SRFBP1: variants seen among roughly 807,000 people sequenced by gnomAD.
SRFBP1 encodes the protein serum response factor binding protein 1.
In SRFBP1, 47 loss-of-function variants were observed where a neutral mutation model predicts 45.5. The observed-to-expected ratio is 1.03, with a 90% CI of 0.82 to 1.32. SRFBP1 has a LOEUF of 1.32. Ranked by LOEUF, SRFBP1 falls within the 40% of genes most tolerant of loss-of-function variation. The pLI, the probability that SRFBP1 is intolerant of heterozygous loss-of-function variation, is 0.00. For synonymous variants in SRFBP1, 203 were observed against 166.3 expected, an observed-to-expected ratio of 1.22 and a Z score of -1.70; for missense variants, 621 against 484.6, an observed-to-expected ratio of 1.28 and a Z score of -2.64.
intron 4 of SRFBP1, among the ~76,000 whole-genome samples, chr5:122,008,080 A>G (rs6595340): frequency 0.028 from 4,225 of 152,092 alleles, 205 homozygotes; most frequent in African/African-American, 0.096. Flanking sequence ...TGAATGTACT[A>G]TCCTGGAGCC....
intron 7 of SRFBP1, among the ~76,000 whole-genome samples, chr5:122,023,989 A>G (rs1383260450): frequency 6.6e-6 from 1 of 152,172 alleles, no homozygotes; most frequent in Non-Finnish European, 1.5e-5. Flanking sequence ...TGGGAGTGCC[A>G]TACATTTAGT....
At chr5:122,031,496 A>G (rs985856990), downstream of SRFBP1, among the ~76,000 whole-genome samples, 3 of 152,200 alleles carry the variant, frequency 2.0e-5, no homozygotes, top group Admixed American at 6.5e-5. Flanking sequence ...AAAGTAAACA[A>G]CGTCTCACCA....
At chr5:122,068,981 G>A (rs1410539133) in intron 2 of SRFBP1, among the ~76,000 whole-genome samples, 2 of 151,974 alleles carry the variant, frequency 1.3e-5, no homozygotes, top group South Asian at 2.1e-4. Context: ...ACACAATATG[G>A]GCCATAAAAC....
At chr5:122,054,932 A>G (rs1052374230) in intron 2 of SRFBP1, among the ~76,000 whole-genome samples, 8 of 152,128 alleles carry the variant, frequency 5.3e-5, no homozygotes, top group African/African-American at 1.9e-4. Context: ...CTGTAATACC[A>G]CCCAAATCGT....
chr5:121,985,299 A>G (rs1580507374), intron 3 of SRFBP1, among the ~76,000 whole-genome samples: 1 of 151,476 alleles, frequency 6.6e-6, no homozygotes, highest in South Asian at 2.1e-4. Flanking sequence ...TTTAATTTGT[A>G]TTGCTTCATT....
In SRFBP1 at chr5:121,974,021, G is replaced by A. The variant is rs142861967; in HGVS notation, c.37-175G>A. 3.1e-3 allele frequency among the ~76,000 whole-genome samples: 470 copies of A among 151,882 alleles called. 1 individual carries two copies. Among genetic ancestry groups the A allele is most frequent in the Non-Finnish European group, 5.5e-3 (374 of 67,788 alleles). On this transcript the variant is annotated intron_variant, in intron 1 of 7. Transcript: ENST00000339397. ...CTCTCAGACACATTTTTAGACTGTT[G>A]ATTTATTCCTTCACTATTTATGGAA...
intron 4 of SRFBP1, among the ~76,000 whole-genome samples, chr5:121,998,813 G>A (rs1270199409): frequency 6.6e-6 from 1 of 152,114 alleles, no homozygotes; most frequent in Non-Finnish European, 1.5e-5. Flanking sequence ...TAAATTAGGT[G>A]ATTAAGAACA....
At chr5:122,075,298 C>A in intron 2 of SRFBP1, 2 of 995,430 alleles carry the variant, frequency 2.0e-6, no homozygotes, top group Admixed American at 2.6e-5. Context: ...TAAGTAATAG[C>A]AATTTTCTCC....
chr5:122,000,097 ATT>A (rs1271619807), intron 4 of SRFBP1, among the ~76,000 whole-genome samples: 1 of 151,834 alleles, frequency 6.6e-6, no homozygotes, highest in African/African-American at 2.4e-5. Context: ...ATATTTTATT[ATT>A]GTTTTTTAGT....
intron 2 of SRFBP1, among the ~76,000 whole-genome samples, chr5:121,974,631 TAAG>T (rs1752265435): frequency 6.6e-6 from 1 of 151,942 alleles, no homozygotes; most frequent in African/African-American, 2.4e-5. Flanking sequence ...AGTAATACCT[TAAG>T]AATCAGTTTT....
chr5:122,038,914 A>G (rs1019553330), intron 2 of SRFBP1, among the ~76,000 whole-genome samples: 3 of 151,568 alleles, frequency 2.0e-5, no homozygotes, highest in African/African-American at 7.3e-5. Context: ...ACTATAAAAA[A>G]CCCCAAGGAG....
At chr5:122,077,334 A>C (rs1754667466), downstream of SRFBP1, 2 of 1,613,374 alleles carry the variant, frequency 1.2e-6, no homozygotes, top group Non-Finnish European at 1.7e-6. This position sits in a 1 kb window ranked among gnomAD's most constrained non-coding sequence, Gnocchi z 4.9. Flanking sequence ...GGGTGCTTCC[A>C]GCGGACTTGG....
At chr5:122,006,134 T>C (rs1254846444) in intron 4 of SRFBP1, among the ~76,000 whole-genome samples, 1 of 152,176 alleles carries the variant, frequency 6.6e-6, no homozygotes, top group Non-Finnish European at 1.5e-5. Flanking sequence ...TTTATTTCTC[T>C]TCTTTTCTGA....
chr5:122,026,014 T>C (rs1753471622), intron 7 of SRFBP1, among the ~76,000 whole-genome samples: 1 of 152,156 alleles, frequency 6.6e-6, no homozygotes, highest in South Asian at 2.1e-4. Context: ...TGCTTGAACC[T>C]GGGAGGTGGA....
intron 1 of SRFBP1, among the ~76,000 whole-genome samples, chr5:121,964,394 C>G (rs1048733138): frequency 6.6e-5 from 10 of 152,052 alleles, no homozygotes; most frequent in African/African-American, 2.4e-4. Context: ...TTCCCTGTGT[C>G]CATGTGTTCT....
chr5:122,041,262 G>A (rs1753768374), intron 2 of SRFBP1, among the ~76,000 whole-genome samples: 1 of 152,054 alleles, frequency 6.6e-6, no homozygotes, highest in Non-Finnish European at 1.5e-5. Flanking sequence ...AATCCCCTAA[G>A]GAAAGTATGG....
At chr5:122,016,320 G>A (rs1302350112) in intron 4 of SRFBP1, among the ~76,000 whole-genome samples, 1 of 149,898 alleles carries the variant, frequency 6.7e-6, no homozygotes, top group Admixed American at 6.6e-5. Flanking sequence ...GGACAGAAAT[G>A]TACAAGGATG....
intron 4 of SRFBP1, among the ~76,000 whole-genome samples, chr5:122,001,990 G>T (rs1032430276): frequency 1.3e-5 from 2 of 152,092 alleles, no homozygotes; most frequent in African/African-American, 4.8e-5. Context: ...GTAAGAAAAA[G>T]ATTTAAAAAT....
chr5:121,985,864 G>A (rs1308979808), intron 3 of SRFBP1, among the ~76,000 whole-genome samples: 2 of 151,830 alleles, frequency 1.3e-5, no homozygotes, highest in South Asian at 2.1e-4. Flanking sequence ...TGTTTATCAT[G>A]TTAGTAGATT....
Sources: allele counts gnomAD v4.1 joint callset (sites outside exome capture counted in the v4.1 genomes callset), GRCh38; gene constraint gnomAD v4.1.1; non-coding constraint Gnocchi (gnomAD v3.1); transcripts MANE v1.5; gene names NCBI Gene and HGNC (gene_info 2026-07-23, HGNC 2026-07-21).